Variants in IGSF21 observed in about 807,000 individuals in gnomAD.
The protein encoded by IGSF21 is immunoglobulin superfamily member 21.
Under a neutral mutation model 46.8 loss-of-function variants are expected in IGSF21, and 28 were observed. That is an observed-to-expected ratio of 0.60 (90% CI 0.44 to 0.82). The LOEUF is 0.82. Among genes scored for constraint, IGSF21 ranks in the 40% least tolerant of loss-of-function variants. The pLI, the probability that IGSF21 is intolerant of heterozygous loss-of-function variation, is 0.00. For synonymous variants in IGSF21, 284 were observed against 273.6 expected, an observed-to-expected ratio of 1.04 and a Z score of -0.38; for missense variants, 624 against 665.5, an observed-to-expected ratio of 0.94 and a Z score of 0.69.
intron 6 of IGSF21, among the ~76,000 whole-genome samples, chr1:18,367,402 A>C: frequency 6.6e-6 from 1 of 152,106 alleles, no homozygotes; most frequent in Non-Finnish European, 1.5e-5. Flanking sequence ...CTGAGGCTCA[A>C]GTTGGTAGAG....
In IGSF21 at chr1:18,364,863, T is replaced by G. The variant is rs537632222; in HGVS notation, c.541-360T>G. Among the ~76,000 whole-genome samples the G allele has an allele frequency of 2.1e-3, 313 of 152,258 alleles. 1 individual carries two copies. Among genetic ancestry groups the G allele is most frequent in the African/African-American group, 7.1e-3 (295 of 41,546 alleles). On this transcript the variant is annotated intron_variant, in intron 5 of 9. Transcript: ENST00000251296. ...CTTGGGCCCCAGGTGGTTGCCATGGTGTAGGCCGAAGTCCCCATTTCCCAT... is the reference window on the plus strand; with the variant it reads ...CTTGGGCCCCAGGTGGTTGCCATGGGGTAGGCCGAAGTCCCCATTTCCCAT...
At chr1:18,237,076 T>A (rs2084679984) in intron 2 of IGSF21, among the ~76,000 whole-genome samples, 1 of 152,210 alleles carries the variant, frequency 6.6e-6, no homozygotes, top group Non-Finnish European at 1.5e-5. Flanking sequence ...TATTTGCATG[T>A]CATTCATAAA....
At chr1:18,215,464 T>A (rs531529446) in intron 1 of IGSF21, among the ~76,000 whole-genome samples, 1 of 152,142 alleles carries the variant, frequency 6.6e-6, no homozygotes, top group Non-Finnish European at 1.5e-5. Context: ...CTAACCCAGA[T>A]TTGGGAATGC....
intron 1 of IGSF21, among the ~76,000 whole-genome samples, chr1:18,145,584 AC>A (rs1477382910): frequency 6.6e-6 from 1 of 152,162 alleles, no homozygotes; most frequent in African/African-American, 2.4e-5. Flanking sequence ...CACCGAGGAC[AC>A]GAAGCACACA....
intron 1 of IGSF21, among the ~76,000 whole-genome samples, chr1:18,170,473 A>G (rs2086726015): frequency 6.6e-6 from 1 of 151,774 alleles, no homozygotes; most frequent in African/African-American, 2.4e-5. Flanking sequence ...AGTCTGATTC[A>G]ATAGGTAAGA....
chr1:18,340,073 G>A (rs1176945982), intron 4 of IGSF21, among the ~76,000 whole-genome samples: 2 of 152,130 alleles, frequency 1.3e-5, no homozygotes, highest in Non-Finnish European at 2.9e-5. Context: ...TATATTATAA[G>A]GTGACTTGGA....
At chr1:18,241,836 A>G (rs1445979401) in intron 2 of IGSF21, among the ~76,000 whole-genome samples, 5 of 152,220 alleles carry the variant, frequency 3.3e-5, no homozygotes, top group Non-Finnish European at 5.9e-5. Flanking sequence ...GGGGACATTG[A>G]GGCTCAGAGA....
intron 1 of IGSF21, among the ~76,000 whole-genome samples, chr1:18,177,319 A>G (rs1171696945): frequency 5.7e-5 from 2 of 34,808 alleles, no homozygotes; most frequent in African/African-American, 2.1e-4. Context: ...CGAAAAGTCC[A>G]TGCAGAGCCC....
rs2085776054 is a variant in IGSF21, at chr1:18,337,034, T to TG, written c.424+2027dup. On this transcript the variant is annotated intron_variant, in intron 4 of 9. Transcript: ENST00000251296. This position sits in a 1 kb window ranked among gnomAD's most constrained non-coding sequence, Gnocchi z 5.7. ...CCCACTAGGTCCCTCCTACAACACA[T>TG]GGGAATTGTGGGAGCTACAGTATAA... Among the ~76,000 whole-genome samples, 1 of 152,110 alleles carries TG rather than the reference T, an allele frequency of 6.6e-6. No individual in the cohort carries two copies. The highest frequency in any genetic ancestry group is 1.5e-5 in the Non-Finnish European group (1 of 67,998).
At chr1:18,374,452 C>T (rs763296842) in intron 6 of IGSF21, among the ~76,000 whole-genome samples, 5 of 152,084 alleles carry the variant, frequency 3.3e-5, no homozygotes, top group South Asian at 2.1e-4. Context: ...CTTGGGAATG[C>T]GAAGGGGAGC....
intron 8 of IGSF21, 126 bp downstream of exon 8, chr1:18,377,118 T>G (rs2086291202): frequency 1.9e-6 from 2 of 1,026,784 alleles, no homozygotes; most frequent in East Asian, 2.6e-5. Context: ...AAATTTGCCC[T>G]GAGAGGGTGC....
chr1:18,374,833 A>T (rs1407577520), intron 6 of IGSF21, among the ~76,000 whole-genome samples: 2 of 152,178 alleles, frequency 1.3e-5, no homozygotes, highest in Non-Finnish European at 2.9e-5. Flanking sequence ...GGGCAGCCCC[A>T]GGGCCTCAGG....
chr1:18,161,763 C>T (rs556678827), intron 1 of IGSF21, among the ~76,000 whole-genome samples: 2 of 152,156 alleles, frequency 1.3e-5, no homozygotes, highest in South Asian at 4.2e-4. Flanking sequence ...TGGGAGGAGG[C>T]CAAATATTTA....
chr1:18,351,325 G>A (rs1195581443), intron 4 of IGSF21, among the ~76,000 whole-genome samples: 3 of 151,948 alleles, frequency 2.0e-5, no homozygotes, highest in Non-Finnish European at 4.4e-5. Context: ...GTAGGGGTGG[G>A]CAGGAAGCCA....
chr1:18,115,824 A>G (rs1384674959), intron 1 of IGSF21: 1 of 79,326 alleles, frequency 1.3e-5, no homozygotes, highest in African/African-American at 6.1e-5. Flanking sequence ...GAAGACAGGA[A>G]GGAAGGAAGG....
At chr1:18,156,787 T>G (rs1050524015) in intron 1 of IGSF21, among the ~76,000 whole-genome samples, 14 of 151,986 alleles carry the variant, frequency 9.2e-5, no homozygotes, top group African/African-American at 3.4e-4. Flanking sequence ...CCGGGCAGGG[T>G]GCAGGTGTGA....
chr1:18,247,358 C>T (rs930421449), intron 2 of IGSF21, among the ~76,000 whole-genome samples: 1 of 152,128 alleles, frequency 6.6e-6, no homozygotes, highest in African/African-American at 2.4e-5. Context: ...CCATCAACTC[C>T]TTCATCCGCC....
At chr1:18,220,930 G>A (rs1367164792) in intron 1 of IGSF21, among the ~76,000 whole-genome samples, 1 of 152,174 alleles carries the variant, frequency 6.6e-6, no homozygotes, top group Non-Finnish European at 1.5e-5. Flanking sequence ...CCTGCTGGGA[G>A]GATGTGCAAC....
chr1:18,156,097 T>C (rs2086566083), intron 1 of IGSF21, among the ~76,000 whole-genome samples: 1 of 152,174 alleles, frequency 6.6e-6, no homozygotes, highest in Admixed American at 6.5e-5. Context: ...CAGGCTGGCT[T>C]CTATCCTGCG....
Sources: allele counts gnomAD v4.1 joint callset (sites outside exome capture counted in the v4.1 genomes callset), GRCh38; gene constraint gnomAD v4.1.1; non-coding constraint Gnocchi (gnomAD v3.1); transcripts MANE v1.5; gene names NCBI Gene and HGNC (gene_info 2026-07-23, HGNC 2026-07-21).